The following SACM1L variants were observed in gnomAD, a reference collection of about 807,000 sequenced individuals.
SACM1L encodes phosphatidylinositol-3-phosphatase SAC1.
Under a neutral mutation model 89.5 loss-of-function variants are expected in SACM1L, and 32 were observed. The observed-to-expected ratio is 0.36, with a 90% CI of 0.27 to 0.48. The LOEUF is 0.48. Among genes scored for constraint, SACM1L ranks in the 20% least tolerant of loss-of-function variants. The pLI is 0.99. For synonymous variants in SACM1L, 213 were observed against 232.8 expected (o/e 0.92, Z 0.77); for missense variants, 543 against 708.5 (o/e 0.77, Z 2.65).
chr3:45,735,224 A>G lies in SACM1L; in HGVS notation c.1101-11A>G, dbSNP rs547465879. 1.3e-5 allele frequency: 21 copies of G among 1,601,458 alleles called. No individual in the cohort carries two copies. The highest frequency in any genetic ancestry group is 1.8e-5 in the Non-Finnish European group (21 of 1,176,604). On this transcript the variant is annotated splice_polypyrimidine_tract_variant and intron_variant, in intron 13 of 19. Transcript: ENST00000389061. ...CTTTGGTATGAGAGTGTTTATACAA[A>G]TATGTTTTAGTTATTTTCTAGTGGA...
intron 19 of SACM1L, among the ~76,000 whole-genome samples, chr3:45,743,157 A>G (rs1167808782): frequency 1.3e-5 from 2 of 151,812 alleles, no homozygotes; most frequent in Non-Finnish European, 3.0e-5. Context: ...ATTAAACTTA[A>G]TAGTTATTTG....
At chr3:45,693,022 A>G (rs1414416729) in intron 1 of SACM1L, among the ~76,000 whole-genome samples, 2 of 152,254 alleles carry the variant, frequency 1.3e-5, no homozygotes, top group Non-Finnish European at 2.9e-5. Context: ...TAGATGGTAC[A>G]GCCTACTACA....
At chr3:45,692,471 A>C (rs1190993191) in intron 1 of SACM1L, among the ~76,000 whole-genome samples, 1 of 152,094 alleles carries the variant, frequency 6.6e-6, no homozygotes, top group African/African-American at 2.4e-5. Flanking sequence ...CTACAGGTGC[A>C]CATCACCATG....
Position 45,719,568 on chromosome 3 carries a change from T to C in SACM1L, c.646T>C (p.Cys216Arg). The C allele has an allele frequency of 6.2e-7, 1 of 1,612,320 alleles. No individual in the cohort carries two copies. Among genetic ancestry groups the C allele is most frequent in the Non-Finnish European group, 8.5e-7 (1 of 1,179,106 alleles). Residue 216 changes from cysteine to arginine, a missense_variant, in exon 8 of 20, where the codon TGT becomes CGT. Coordinates refer to ENST00000389061, the MANE Select transcript of SACM1L (RefSeq NM_014016.5). The stretch of plus-strand genomic sequence containing the variant: ...TTGGATTCTCATCTCGAGGAGGAGC[T>C]GTTTCAGAGCTGGTGTGCGCTATTA... ...FDWILISRRS[C>R]FRAGVRYYVR... is the part of the protein sequence containing the mutation.
chr3:45,706,783 ATTATC>A lies in SACM1L; in HGVS notation c.214_218del (p.Leu72SerfsTer10). On this transcript the variant is annotated frameshift_variant, in exon 4 of 20. Coordinates refer to ENST00000389061, the MANE Select transcript of SACM1L (RefSeq NM_014016.5). LOFTEE classifies it high-confidence loss of function. ...GTGTTTGGCTTGCTTTTTGCAGGTA[ATTATC>A]TTATAGTCATTACCAAAAAGATAAA... The A allele has an allele frequency of 6.3e-7, 1 of 1,598,270 alleles. No individual in the cohort carries two copies. Among genetic ancestry groups the A allele is most frequent in the South Asian group, 1.1e-5 (1 of 88,496 alleles).
intron 11 of SACM1L, among the ~76,000 whole-genome samples, chr3:45,729,840 G>A (rs1699005893): frequency 6.6e-6 from 1 of 151,646 alleles, no homozygotes; most frequent in South Asian, 2.1e-4. Flanking sequence ...GAAGGTTTTG[G>A]CTATTTTTTT....
chr3:45,741,174 C>T (rs80331373), intron 19 of SACM1L, among the ~76,000 whole-genome samples: 5,563 of 152,216 alleles, frequency 0.037, 135 homozygotes, highest in Middle Eastern at 0.058. Flanking sequence ...GTTGAGCCAA[C>T]CTCTCTCTGC....
chr3:45,692,920 ACT>A (rs896220042), intron 1 of SACM1L, among the ~76,000 whole-genome samples: 1 of 152,148 alleles, frequency 6.6e-6, no homozygotes, highest in Non-Finnish European at 1.5e-5. Context: ...CCGTTATGTG[ACT>A]CTTACTGACA....
chr3:45,725,161 C>G (rs961852595), intron 11 of SACM1L, among the ~76,000 whole-genome samples: 1 of 152,110 alleles, frequency 6.6e-6, no homozygotes, highest in East Asian at 1.9e-4. Flanking sequence ...ATTATTTTGG[C>G]TACTTGAGAT....
chr3:45,704,739 AGAT>A (rs920818310), intron 2 of SACM1L, among the ~76,000 whole-genome samples: 7 of 152,188 alleles, frequency 4.6e-5, no homozygotes, highest in Non-Finnish European at 1.0e-4. Flanking sequence ...TTGAATGTAA[AGAT>A]GATGATGCCA....
intron 8 of SACM1L, among the ~76,000 whole-genome samples, chr3:45,721,437 G>A (rs1698784571): frequency 1.3e-5 from 2 of 152,202 alleles, no homozygotes; most frequent in Non-Finnish European, 2.9e-5. Flanking sequence ...CAGGAGAATC[G>A]CTTGAACCCG....
At chr3:45,715,632 G>T (rs1698635295) in intron 7 of SACM1L, among the ~76,000 whole-genome samples, 1 of 152,056 alleles carries the variant, frequency 6.6e-6, no homozygotes, top group South Asian at 2.1e-4. Context: ...AAATTAGCTG[G>T]GCGTGGTGGC....
At chr3:45,713,064 T>G in intron 5 of SACM1L, 73 bp from the exon 6 acceptor site, 1 of 1,202,846 alleles carries the variant, frequency 8.3e-7, no homozygotes, top group Non-Finnish European at 1.2e-6. Context: ...GAGACATTGA[T>G]TGGTGTAGTT....
chr3:45,721,965 C>A, intron 8 of SACM1L, 35 bp from the exon 9 acceptor site: 2 of 1,385,596 alleles, frequency 1.4e-6, no homozygotes, highest in South Asian at 2.4e-5. Context: ...TTTGTGTAAT[C>A]AGTATAGTTA....
chr3:45,735,469 A>G, intron 14 of SACM1L, 96 bp downstream of exon 14: 2 of 1,189,048 alleles, frequency 1.7e-6, no homozygotes, highest in Non-Finnish European at 2.3e-6. Flanking sequence ...CATTGCCCAC[A>G]CCCTAACCCA....
In SACM1L at chr3:45,699,304, A is replaced by T. The variant is rs184955142; in HGVS notation, c.33-4134A>T. Reference sequence around the variant, plus strand: ...TAATTAAAATAAATAAATAAATAAAAAAATAATAGTAGCAGTAATGGTAAA... The same window carrying T: ...TAATTAAAATAAATAAATAAATAAATAAATAATAGTAGCAGTAATGGTAAA... On this transcript the variant is annotated intron_variant, in intron 1 of 19. Transcript: ENST00000389061. Among the ~76,000 whole-genome samples, 167 of 151,522 alleles carry T rather than the reference A, an allele frequency of 1.1e-3. 1 individual carries two copies. The highest frequency in any genetic ancestry group is 2.7e-3 in the South Asian group (13 of 4,830).
chr3:45,705,701 A>G (rs1423947562), intron 3 of SACM1L, among the ~76,000 whole-genome samples: 1 of 151,950 alleles, frequency 6.6e-6, no homozygotes, highest in Non-Finnish European at 1.5e-5. Context: ...ATGGGGTTTC[A>G]CCATGTTGGT....
intron 18 of SACM1L, 144 bp from the exon 19 acceptor site, chr3:45,739,443 T>C (rs1699270340): frequency 2.6e-6 from 2 of 754,852 alleles, no homozygotes; most frequent in Non-Finnish European, 4.7e-6. Context: ...CCATAAATAA[T>C]AATGTTTTGT....
intron 7 of SACM1L, among the ~76,000 whole-genome samples, chr3:45,716,899 T>A (rs750406420): frequency 5.9e-5 from 9 of 152,226 alleles, no homozygotes; most frequent in Non-Finnish European, 1.2e-4. Context: ...CTGGATTCTC[T>A]AAAGTGTGTA....
Sources: gnomAD v4.1 joint callset for allele counts (sites outside exome capture counted in the v4.1 genomes callset) on GRCh38, gnomAD v4.1.1 for gene constraint, MANE v1.5 for transcripts, NCBI Gene and HGNC (gene_info 2026-07-23, HGNC 2026-07-21) for gene names.